UBE2D2: variants seen among roughly 807,000 people sequenced by gnomAD.
UBE2D2 encodes the protein ubiquitin-conjugating enzyme E2 D2.
In UBE2D2, 2 loss-of-function variants were observed where a neutral mutation model predicts 24.2. That is an observed-to-expected ratio of 0.08 (90% CI 0.03 to 0.26). UBE2D2 has a LOEUF of 0.26. Ranked by LOEUF, UBE2D2 falls within the 10% of genes least tolerant of loss-of-function variation. The probability of loss-of-function intolerance (pLI) is 1.00; values close to 1 mark genes in which losing one functional copy is unlikely to be tolerated. For missense variants in UBE2D2, 44 were observed against 177.6 expected (o/e 0.25, Z 4.28); for synonymous variants, 58 against 56.5 (o/e 1.03, Z -0.12).
At chr5:139,596,384 C>T (rs1398469474) in intron 1 of UBE2D2, among the ~76,000 whole-genome samples, 1 of 151,744 alleles carries the variant, frequency 6.6e-6, no homozygotes, top group Non-Finnish European at 1.5e-5. Flanking sequence ...ACCTCCGCCT[C>T]CTGGGTTCAA....
intron 5 of UBE2D2, among the ~76,000 whole-genome samples, chr5:139,615,311 C>T (rs900328340): frequency 2.0e-4 from 31 of 152,020 alleles, no homozygotes; most frequent in Admixed American, 7.9e-4. Context: ...GGTGAAACCC[C>T]GTCTCTACTA....
At chr5:139,590,881 G>A (rs946583006) in intron 1 of UBE2D2, among the ~76,000 whole-genome samples, 1 of 133,372 alleles carries the variant, frequency 7.5e-6, no homozygotes, top group Admixed American at 8.7e-5. Context: ...TGCAATGTCC[G>A]CCTCCCGGGT....
At chr5:139,546,817 TCTTC>T (rs59929319) in intron 1 of UBE2D2, among the ~76,000 whole-genome samples, 26,558 of 137,918 alleles carry the variant, frequency 0.19, 2,779 homozygotes, top group Non-Finnish European at 0.23. Flanking sequence ...CTTCTTTCTT[TCTTC>T]CTTCCTTCCT....
chr5:139,593,499 T>A (rs537956321), intron 1 of UBE2D2, among the ~76,000 whole-genome samples: 49 of 152,202 alleles, frequency 3.2e-4, no homozygotes, highest in Admixed American at 2.0e-3. Flanking sequence ...TGTTTTAATA[T>A]GTAAAATATG....
intron 2 of UBE2D2, among the ~76,000 whole-genome samples, chr5:139,609,202 T>G (rs558395087): frequency 2.1e-4 from 32 of 152,296 alleles, no homozygotes; most frequent in Non-Finnish European, 2.6e-4. Flanking sequence ...CTTGAATTAG[T>G]ACCTAAATGG....
At chr5:139,549,423 C>T (rs750313205) in intron 1 of UBE2D2, among the ~76,000 whole-genome samples, 2 of 152,202 alleles carry the variant, frequency 1.3e-5, no homozygotes, top group Non-Finnish European at 2.9e-5. Flanking sequence ...GGGGTCTTGG[C>T]GGCCCCGCAC....
chr5:139,602,046 T>G (rs990159079), intron 2 of UBE2D2, among the ~76,000 whole-genome samples: 6 of 152,194 alleles, frequency 3.9e-5, no homozygotes, highest in Non-Finnish European at 5.9e-5. Context: ...TTTAATATTT[T>G]TTTGTTTGTT....
At chr5:139,623,493 G>A in intron 6 of UBE2D2, 32 bp downstream of exon 6, 1 of 1,541,700 alleles carries the variant, frequency 6.5e-7, no homozygotes. Context: ...AAAGTTATCT[G>A]TGGTGGGATG....
intron 5 of UBE2D2, among the ~76,000 whole-genome samples, chr5:139,622,769 A>T (rs1754537658): frequency 6.6e-6 from 1 of 151,540 alleles, no homozygotes; most frequent in Non-Finnish European, 1.5e-5. Flanking sequence ...GGGTGCCTGT[A>T]GTCCCAGCTA....
Position 139,562,146 on chromosome 5 carries a change from G to T in UBE2D2, c.24+331G>T, listed in dbSNP as rs1215171804. The T allele has an allele frequency of 8.6e-6, 11 of 1,278,096 alleles. No individual in the cohort carries two copies. In the East Asian group the frequency reaches 1.3e-4, roughly 15 times the overall value. 79.2% of individuals were successfully genotyped at this position (1,278,096 alleles called of 1,614,324 possible). ...TTGTCGGGCCAGGATGGCGGGGTTGGGGCCGAGGGGGGCGCTGGGGCGTTG... is the reference window on the plus strand; with the variant it reads ...TTGTCGGGCCAGGATGGCGGGGTTGTGGCCGAGGGGGGCGCTGGGGCGTTG... On this transcript the variant is annotated intron_variant, in intron 1 of 6. Coordinates refer to ENST00000398733, the MANE Select transcript of UBE2D2 (RefSeq NM_003339.3).
At chr5:139,617,978 T>C (rs931221094) in intron 5 of UBE2D2, among the ~76,000 whole-genome samples, 2 of 151,730 alleles carry the variant, frequency 1.3e-5, no homozygotes, top group Non-Finnish European at 2.9e-5. Context: ...ATTATTATTA[T>C]TTGTTTTTTT....
chr5:139,618,856 G>C (rs1754464302), intron 5 of UBE2D2, among the ~76,000 whole-genome samples: 1 of 152,066 alleles, frequency 6.6e-6, no homozygotes, highest in Admixed American at 6.6e-5. Flanking sequence ...GAATGTATGG[G>C]CAAGTAGTTC....
At chr5:139,604,070 A>G (rs1754140631) in intron 2 of UBE2D2, among the ~76,000 whole-genome samples, 2 of 152,312 alleles carry the variant, frequency 1.3e-5, no homozygotes, top group African/African-American at 2.4e-5. Flanking sequence ...GTGATAAAAC[A>G]TATAGAATGG....
intron 1 of UBE2D2, chr5:139,562,204 C>T (rs759183030): frequency 7.2e-7 from 1 of 1,381,084 alleles, no homozygotes; most frequent in South Asian, 1.2e-5. Context: ...GAAAGGGCTT[C>T]TCGCCCCATT....
intron 1 of UBE2D2, among the ~76,000 whole-genome samples, chr5:139,593,920 A>G (rs1753906534): frequency 6.6e-6 from 1 of 152,196 alleles, no homozygotes; most frequent in Non-Finnish European, 1.5e-5. Context: ...CTAGCCCTGA[A>G]ATTACAATGC....
At chr5:139,543,098 T>C (rs1474999311) in intron 1 of UBE2D2, among the ~76,000 whole-genome samples, 2 of 152,082 alleles carry the variant, frequency 1.3e-5, no homozygotes, top group African/African-American at 4.8e-5. Flanking sequence ...GGTTTCACCA[T>C]GTTGGTCAGG....
At chr5:139,551,237 C>G (rs921122069) in intron 1 of UBE2D2, among the ~76,000 whole-genome samples, 1 of 151,974 alleles carries the variant, frequency 6.6e-6, no homozygotes, top group Non-Finnish European at 1.5e-5. Context: ...TTCCAGCTAC[C>G]CAGGAGGCTA....
intron 1 of UBE2D2, among the ~76,000 whole-genome samples, chr5:139,585,210 CTTTT>C (rs561161810): frequency 1.5e-5 from 2 of 137,224 alleles, no homozygotes; most frequent in Non-Finnish European, 3.2e-5. Flanking sequence ...GCGTGCAGGT[CTTTT>C]TTTTTTTTTT....
intron 1 of UBE2D2, among the ~76,000 whole-genome samples, chr5:139,575,332 C>T (rs1430477123): frequency 6.6e-6 from 1 of 152,044 alleles, no homozygotes; most frequent in Non-Finnish European, 1.5e-5. Flanking sequence ...ATCATGGTGT[C>T]TTAACATGCC....
Sources: gnomAD v4.1 joint callset for allele counts (sites outside exome capture counted in the v4.1 genomes callset) on GRCh38, gnomAD v4.1.1 for gene constraint, MANE v1.5 for transcripts, NCBI Gene and HGNC (gene_info 2026-07-23, HGNC 2026-07-21) for gene names.